PRR23D1: variants seen among roughly 807,000 people sequenced by gnomAD.
The protein encoded by PRR23D1 is proline rich 23 domain containing 1.
chr8:7,539,946 ATG>A, intron 1 of PRR23D1, 65 bp downstream of exon 1: 4 of 494 alleles, frequency 8.1e-3, no homozygotes, highest in Admixed American at 0.01. Flanking sequence ...GTGTGACTGT[ATG>A]TGTGTGTGTG....
At chr8:7,536,925 A>C (rs1287326548), upstream of PRR23D1, among the ~76,000 whole-genome samples, 1 of 130,578 alleles carries the variant, frequency 7.7e-6, no homozygotes, top group African/African-American at 3.2e-5. Flanking sequence ...ACCGCTAAAC[A>C]GTGAAGGCCA....
At position 7,541,635 on chromosome 8, in the gene PRR23D1, GT is replaced by G; in HGVS notation, c.596del (p.Val199GlufsTer148). ...GGCTGGGATCAGCCCTTCTTTCCTA[GT>G]AACCCCATTGTGCATTCCACGCTGT... ...HMAGISPSFL[V>X]TPLCIPRCRA... On this transcript the variant is annotated frameshift_variant, in exon 4 of 4. Transcript: ENST00000533250. LOFTEE classifies it high-confidence loss of function. The G allele has an allele frequency of 1.0e-5, 2 of 195,486 alleles. No homozygotes were observed. The highest frequency in any genetic ancestry group is 8.9e-6 in the Non-Finnish European group (1 of 111,776). 12.1% of individuals were successfully genotyped at this position (195,486 alleles called of 1,614,324 possible). A position where few individuals can be genotyped will look rare whatever the true frequency, so the allele number is the denominator to read the frequency against.
upstream of PRR23D1, among the ~76,000 whole-genome samples, chr8:7,539,057 C>T (rs1271416722): frequency 1.3e-5 from 2 of 151,284 alleles, no homozygotes; most frequent in Admixed American, 6.6e-5. Flanking sequence ...TTCAAAGAAA[C>T]TTTAAATTTT....
At chr8:7,538,831 G>T (rs1199739825), upstream of PRR23D1, among the ~76,000 whole-genome samples, 2 of 151,962 alleles carry the variant, frequency 1.3e-5, no homozygotes, top group Non-Finnish European at 2.9e-5. Context: ...TTAAGTAAAG[G>T]TTCTTTTTGT....
At chr8:7,539,108 A>G (rs1812711795), upstream of PRR23D1, among the ~76,000 whole-genome samples, 1 of 150,422 alleles carries the variant, frequency 6.6e-6, no homozygotes, top group Non-Finnish European at 1.5e-5. Flanking sequence ...AAATGACGTG[A>G]CGTCTGGGCA....
upstream of PRR23D1, among the ~76,000 whole-genome samples, chr8:7,538,769 C>T (rs1300463820): frequency 6.6e-6 from 1 of 151,814 alleles, no homozygotes; most frequent in African/African-American, 2.4e-5. Flanking sequence ...AGCGGGGATA[C>T]AGGCAAGAAA....
upstream of PRR23D1, among the ~76,000 whole-genome samples, chr8:7,536,683 T>G (rs1812650358): frequency 7.4e-6 from 1 of 134,420 alleles, no homozygotes; most frequent in Non-Finnish European, 1.6e-5. Flanking sequence ...GTGGCAGATC[T>G]CTGGCATTAA....
upstream of PRR23D1, among the ~76,000 whole-genome samples, chr8:7,538,889 C>G (rs1448160879): frequency 6.6e-6 from 1 of 150,836 alleles, no homozygotes; most frequent in East Asian, 1.9e-4. Flanking sequence ...GTTTGGATAA[C>G]TTTCCCCAGG....
At chr8:7,538,825 G>GA (rs1563374416), upstream of PRR23D1, among the ~76,000 whole-genome samples, 42 of 152,056 alleles carry the variant, frequency 2.8e-4, no homozygotes, top group African/African-American at 9.9e-4. Context: ...TAGAAATTAA[G>GA]TAAAGGTTCT....
upstream of PRR23D1, among the ~76,000 whole-genome samples, chr8:7,537,154 A>AC (rs2128889507): frequency 9.1e-6 from 1 of 109,368 alleles, no homozygotes; most frequent in South Asian, 2.7e-4. Context: ...TCACAGCCCT[A>AC]CCTGATGAGG....
upstream of PRR23D1, among the ~76,000 whole-genome samples, chr8:7,539,103 A>T (rs1424821221): frequency 6.6e-6 from 1 of 150,740 alleles, no homozygotes; most frequent in Admixed American, 6.6e-5. Context: ...CACATAAATG[A>T]CGTGACGTCT....
Position 7,540,726 on chromosome 8 carries a change from A to AT in PRR23D1, c.139+26dup. ...GTACAGGTAAGGCACTTTCCCTAAT[A>AT]TTTTTTAAGATTCCCATGCCTGGAA... On this transcript the variant is annotated intron_variant, in intron 2 of 3. Coordinates refer to ENST00000533250, the MANE Select transcript of PRR23D1 (RefSeq NM_001282479.1). 5.9e-6 allele frequency: 3 copies of AT among 508,420 alleles called. No individual in the cohort carries two copies. The highest frequency in any genetic ancestry group is 3.0e-5 in the East Asian group (1 of 33,510). The allele number at this position is 508,420 out of a possible 1,614,324, so 31.5% of individuals were successfully genotyped here.
upstream of PRR23D1, among the ~76,000 whole-genome samples, chr8:7,536,713 C>G: frequency 7.0e-6 from 1 of 142,050 alleles, no homozygotes; most frequent in Non-Finnish European, 1.5e-5. Flanking sequence ...CAGAATGTTT[C>G]TCTTATTCGA....
chr8:7,538,969 C>CT (rs1812707020), upstream of PRR23D1, among the ~76,000 whole-genome samples: 1 of 150,334 alleles, frequency 6.7e-6, no homozygotes, highest in Non-Finnish European at 1.5e-5. Context: ...TGTCAGCCCT[C>CT]CACATCCATA....
At chr8:7,538,707 TTAA>T (rs1336996078), upstream of PRR23D1, among the ~76,000 whole-genome samples, 103 of 149,684 alleles carry the variant, frequency 6.9e-4, 1 homozygote, top group East Asian at 0.016. Flanking sequence ...GGATTTGTAA[TTAA>T]TAAGTAATGT....
upstream of PRR23D1, among the ~76,000 whole-genome samples, chr8:7,536,770 G>A (rs1282737640): frequency 1.4e-5 from 2 of 147,558 alleles, no homozygotes; most frequent in African/African-American, 2.6e-5. Context: ...TATTTTATAC[G>A]GTCTTTGGAC....
chr8:7,538,937 AT>A (rs1407052116), upstream of PRR23D1, among the ~76,000 whole-genome samples: 48 of 147,272 alleles, frequency 3.3e-4, no homozygotes, highest in Middle Eastern at 3.7e-3. Context: ...AAAATAACGT[AT>A]TTTTTTTTAT....
chr8:7,539,071 T>C (rs1812710387), upstream of PRR23D1, among the ~76,000 whole-genome samples: 3 of 151,332 alleles, frequency 2.0e-5, no homozygotes, highest in South Asian at 6.3e-4. Context: ...AAATTTTCCA[T>C]GCATCACATT....
chr8:7,536,928 G>T (rs577704841), upstream of PRR23D1, among the ~76,000 whole-genome samples: 7,578 of 116,876 alleles, frequency 0.065, 109 homozygotes, highest in African/African-American at 0.16. Flanking sequence ...GCTAAACAGT[G>T]AAGGCCAAGA....
Sources: gnomAD v4.1 joint callset for allele counts (sites outside exome capture counted in the v4.1 genomes callset) on GRCh38, gnomAD v4.1.1 for gene constraint, MANE v1.5 for transcripts, NCBI Gene and HGNC (gene_info 2026-07-23, HGNC 2026-07-21) for gene names.